PRDM16: variants seen among roughly 807,000 people sequenced by gnomAD.
PRDM16 encodes PR/SET domain 16, also known as histone-lysine N-methyltransferase PRDM16.
Under a neutral mutation model 110.6 loss-of-function variants are expected in PRDM16, and 23 were observed. The ratio of observed to expected loss-of-function variants is 0.21; its 90% CI spans 0.15 to 0.29. The LOEUF (loss-of-function observed/expected upper bound fraction) is 0.29, where lower values mean the gene tolerates loss of function less well. Ranked by LOEUF, PRDM16 falls within the 10% of genes least tolerant of loss-of-function variation. PRDM16 has a pLI of 1.00. For synonymous variants in PRDM16, 799 were observed against 781.8 expected, an observed-to-expected ratio of 1.02 and a Z score of -0.37; for missense variants, 1,615 against 1,794.3, an observed-to-expected ratio of 0.90 and a Z score of 1.81.
intron 1 of PRDM16, among the ~76,000 whole-genome samples, chr1:3,102,701 C>G (rs1642560728): frequency 6.6e-6 from 1 of 152,224 alleles, no homozygotes; most frequent in African/African-American, 2.4e-5. Context: ...GGACCAAAAC[C>G]ATTGCCTGAA....
At chr1:3,077,996 C>T (rs1461961939) in intron 1 of PRDM16, among the ~76,000 whole-genome samples, 1 of 152,040 alleles carries the variant, frequency 6.6e-6, no homozygotes, top group Non-Finnish European at 1.5e-5. Flanking sequence ...TGGATGCCTC[C>T]CCTACTGCCT....
In PRDM16 at chr1:3,137,811, C is replaced by T. The variant is rs933419515; in HGVS notation, c.38-48314C>T. Among the ~76,000 whole-genome samples the T allele has an allele frequency of 2.6e-5, 4 of 152,252 alleles. No individual in the cohort carries two copies. The East Asian group carries it at 7.7e-4, about 29-fold the overall frequency. ...CAAGCTGGAGGGGCCGCAGCACCTG[C>T]GGCTGGGACCTCGCTTGTCCGGAGG... On this transcript the variant is annotated intron_variant, in intron 1 of 16. Coordinates refer to ENST00000270722, the MANE Select transcript of PRDM16 (RefSeq NM_022114.4).
At chr1:3,128,477 C>A (rs1232630463) in intron 1 of PRDM16, among the ~76,000 whole-genome samples, 1 of 152,228 alleles carries the variant, frequency 6.6e-6, no homozygotes, top group African/African-American at 2.4e-5. Context: ...AACCCTCCCT[C>A]CGCATGGCTC....
chr1:3,131,132 A>G (rs1643327724), intron 1 of PRDM16, among the ~76,000 whole-genome samples: 1 of 152,094 alleles, frequency 6.6e-6, no homozygotes, highest in South Asian at 2.1e-4. Flanking sequence ...CCGCAGCCAC[A>G]GTTTTTGGTT....
intron 1 of PRDM16, among the ~76,000 whole-genome samples, chr1:3,089,576 C>T (rs1435979297): frequency 6.6e-6 from 1 of 152,246 alleles, no homozygotes. Context: ...TTATTTGGGC[C>T]TTTCTACAAT....
chr1:3,146,319 A>G (rs951029142), intron 1 of PRDM16, among the ~76,000 whole-genome samples: 15 of 152,216 alleles, frequency 9.9e-5, no homozygotes, highest in African/African-American at 3.6e-4. Flanking sequence ...AAGATAAACA[A>G]CTGGGCATGG....
At chr1:3,177,721 C>A (rs1383589743) in intron 1 of PRDM16, among the ~76,000 whole-genome samples, 1 of 152,246 alleles carries the variant, frequency 6.6e-6, no homozygotes, top group Non-Finnish European at 1.5e-5. Context: ...GTGTGGTCAA[C>A]CAGGGACCAT....
In PRDM16 at chr1:3,192,005, C is replaced by T. The variant is rs575332264; in HGVS notation, c.387+5531C>T. Among the ~76,000 whole-genome samples, 7 of 152,304 alleles carry T rather than the reference C, an allele frequency of 4.6e-5. No individual in the cohort carries two copies. In the East Asian group the frequency reaches 1.3e-3, roughly 29 times the overall value. ...TGGCAAATTTACTCCAGGGTTTTTG[C>T]AATGTGGCCAGGTCCACAGGGTAGG... is the stretch of plus-strand genomic sequence containing the variant. On this transcript the variant is annotated intron_variant, in intron 2 of 16. Coordinates refer to ENST00000270722, the MANE Select transcript of PRDM16 (RefSeq NM_022114.4).
intron 3 of PRDM16, among the ~76,000 whole-genome samples, chr1:3,336,148 C>T (rs1451959723): frequency 6.6e-6 from 1 of 152,232 alleles, no homozygotes; most frequent in East Asian, 1.9e-4. Context: ...CCAGCCCCTG[C>T]ATTCAGGCTT....
intron 1 of PRDM16, among the ~76,000 whole-genome samples, chr1:3,128,722 C>T (rs1409917780): frequency 2.0e-5 from 3 of 150,594 alleles, no homozygotes; most frequent in East Asian, 3.9e-4. Context: ...CCATCCCACC[C>T]GGGTCGGTGG....
chr1:3,240,046 AGGAGAGGAGAAGAGGAGAGG>A (rs1557550860), intron 2 of PRDM16, among the ~76,000 whole-genome samples: 4 of 98,592 alleles, frequency 4.1e-5, no homozygotes, highest in African/African-American at 1.5e-4. Flanking sequence ...AGAAGAGGAG[AGGAGAGGAGAAGAGGAGAGG>A]AGAGGAGAGG....
chr1:3,129,149 C>T (rs573109225), intron 1 of PRDM16, among the ~76,000 whole-genome samples: 7 of 141,584 alleles, frequency 4.9e-5, no homozygotes, highest in Admixed American at 1.4e-4. Flanking sequence ...TCCTGCCTGG[C>T]GTGCGTGTGT....
chr1:3,171,811 C>A (rs1266234087), intron 1 of PRDM16, among the ~76,000 whole-genome samples: 1 of 152,154 alleles, frequency 6.6e-6, no homozygotes, highest in Admixed American at 6.5e-5. Flanking sequence ...TGAGAGGTGA[C>A]CCTCGTCTCT....
chr1:3,146,611 TGG>T (rs201665633), intron 1 of PRDM16, among the ~76,000 whole-genome samples: 4 of 130,812 alleles, frequency 3.1e-5, no homozygotes, highest in East Asian at 4.7e-4. Flanking sequence ...GTGCTCAGTG[TGG>T]GGGGTGTGTG....
At chr1:3,295,924 C>A (rs1341807639) in intron 3 of PRDM16, among the ~76,000 whole-genome samples, 1 of 152,094 alleles carries the variant, frequency 6.6e-6, no homozygotes, top group Non-Finnish European at 1.5e-5. Flanking sequence ...CCACAAGAAG[C>A]CCACTGAGAC....
chr1:3,259,145 TCC>T (rs1298870932), intron 3 of PRDM16, among the ~76,000 whole-genome samples: 43 of 152,260 alleles, frequency 2.8e-4, no homozygotes, highest in African/African-American at 9.9e-4. Flanking sequence ...AGTACCTCCG[TCC>T]CGGCCCTTCT....
chr1:3,407,662 C>T (rs1048508670), intron 8 of PRDM16, among the ~76,000 whole-genome samples: 17 of 152,336 alleles, frequency 1.1e-4, no homozygotes, highest in South Asian at 1.0e-3. Flanking sequence ...ACTTCCTTGC[C>T]TCTCTGGGCC....
At chr1:3,313,005 A>G (rs879767141) in intron 3 of PRDM16, among the ~76,000 whole-genome samples, 3 of 152,200 alleles carry the variant, frequency 2.0e-5, no homozygotes, top group Non-Finnish European at 2.9e-5. Flanking sequence ...GGGTTTGCCT[A>G]CGAAGGGGCC....
rs570481600 is a variant in PRDM16, at chr1:3,271,513, G to A, written c.438+27376G>A. ...GAACCCAAGGCCGTTGTCCTGCAGC[G>A]GACGTGGAAATTCTGACCCTGTGAG... On this transcript the variant is annotated intron_variant, in intron 3 of 16. Coordinates refer to ENST00000270722, the MANE Select transcript of PRDM16 (RefSeq NM_022114.4). Among the ~76,000 whole-genome samples, 15 of 152,304 alleles carry A rather than the reference G, an allele frequency of 9.8e-5. No homozygotes were observed. In the South Asian group the frequency reaches 1.7e-3, roughly 17 times the overall value.
Sources: allele counts gnomAD v4.1 joint callset (sites outside exome capture counted in the v4.1 genomes callset), GRCh38; gene constraint gnomAD v4.1.1; transcripts MANE v1.5; gene names NCBI Gene and HGNC (gene_info 2026-07-23, HGNC 2026-07-21).